Variants in C2CD3 observed in about 807,000 individuals in gnomAD.
C2CD3 encodes the protein C2 domain containing 3 centriole elongation regulator, also known as C2 domain-containing protein 3.
A neutral mutation model predicts 234.0 loss-of-function variants in C2CD3; 148 were observed. The ratio of observed to expected loss-of-function variants is 0.63; its 90% CI spans 0.55 to 0.72. The LOEUF is 0.72. Ranked by LOEUF, C2CD3 falls within the 30% of genes least tolerant of loss-of-function variation. C2CD3 has a pLI of 0.00. For missense variants in C2CD3, 2,577 were observed against 2,811.5 expected, an observed-to-expected ratio of 0.92 and a Z score of 1.89; for synonymous variants, 1,000 against 1,035.4, an observed-to-expected ratio of 0.97 and a Z score of 0.66.
At chr11:74,108,765 TAATA>T (rs994050010) in intron 12 of C2CD3, among the ~76,000 whole-genome samples, 1 of 152,070 alleles carries the variant, frequency 6.6e-6, no homozygotes, top group Non-Finnish European at 1.5e-5. Context: ...AAAACAAATA[TAATA>T]ATGTACCTAA....
intron 21 of C2CD3, 179 bp downstream of exon 21, chr11:74,085,439 A>G: frequency 3.3e-6 from 2 of 613,732 alleles, no homozygotes; most frequent in East Asian, 2.8e-5. Context: ...TCTCTACACT[A>G]TCTTTCTCTT....
intron 30 of C2CD3, among the ~76,000 whole-genome samples, 153 bp downstream of exon 30, chr11:74,037,325 C>T (rs368103899): frequency 2.0e-5 from 3 of 148,094 alleles, no homozygotes; most frequent in Non-Finnish European, 4.5e-5. Context: ...CCTTTTCAAA[C>T]GCAAGATGGT....
chr11:74,107,322 T>TCACACACACA lies in C2CD3; in HGVS notation c.1963-839_1963-830dup, dbSNP rs142285119. 1.8e-3 allele frequency among the ~76,000 whole-genome samples: 258 copies of TCACACACACA among 146,612 alleles called. 5 individuals carry two copies. The East Asian group carries it at 0.025, about 14-fold the overall frequency. ...CCTGGGCAACAAGAATGAAACTGTG[T>TCACACACACA]CACACACACACACACACACACACAC... On this transcript the variant is annotated intron_variant, in intron 12 of 32. Coordinates refer to ENST00000334126, the MANE Select transcript of C2CD3 (RefSeq NM_001286577.2).
At chr11:74,139,044 G>C in intron 4 of C2CD3, 77 bp from the exon 5 acceptor site, 1 of 1,289,556 alleles carries the variant, frequency 7.8e-7, no homozygotes, top group African/African-American at 1.5e-5. Flanking sequence ...GAGACAGAAA[G>C]TAGACCAGTG....
In C2CD3 at chr11:74,118,233, T is replaced by A. The variant is rs1957093680; in HGVS notation, c.1515A>T (p.Arg505Ser). Residue 505 changes from arginine to serine, a missense_variant, in exon 9 of 33, where the codon AGA becomes AGT. Transcript: ENST00000334126. ...HKLKKRSAGKRNRNLVEQQML... is the reference protein window; with the variant it reads ...HKLKKRSAGKSNRNLVEQQML... Reference sequence around the variant, plus strand: ...AAACAGTCAGAGCAGCTCACCTATTTCTCTTGCCTGCTGACCTCTTCTTCA... The same window carrying A: ...AAACAGTCAGAGCAGCTCACCTATTACTCTTGCCTGCTGACCTCTTCTTCA... 1 of 1,612,554 alleles carries A rather than the reference T, an allele frequency of 6.2e-7. No individual in the cohort carries two copies.
Position 74,170,911 on chromosome 11 carries a change from T to G in C2CD3, c.-119A>C, listed in dbSNP as rs1591000428. ...CGGCAACCGGCGCCGCTGGGCAGCC[T>G]GGGAGGCAGGAAAAAGCGACTCTTC... On this transcript the variant is annotated 5_prime_UTR_variant, in exon 1 of 33. Coordinates refer to ENST00000334126, the MANE Select transcript of C2CD3 (RefSeq NM_001286577.2). 3.0e-5 allele frequency: 43 copies of G among 1,456,616 alleles called. No individual in the cohort carries two copies. In the East Asian group the frequency reaches 3.0e-4, roughly 10 times the overall value. 90.2% of individuals were successfully genotyped at this position (1,456,616 alleles called of 1,614,324 possible).
chr11:74,053,079 T>C (rs567830183), intron 26 of C2CD3, among the ~76,000 whole-genome samples: 1 of 152,346 alleles, frequency 6.6e-6, no homozygotes, highest in Non-Finnish European at 1.5e-5. Context: ...CTTACTAGCA[T>C]GGTGAAGAAC....
At chr11:74,030,005 C>T (rs188256753) in intron 31 of C2CD3, among the ~76,000 whole-genome samples, 3 of 152,328 alleles carry the variant, frequency 2.0e-5, no homozygotes, top group African/African-American at 7.2e-5. Flanking sequence ...ATCCTCCCAC[C>T]TTGGCCTCCC....
rs571813704 is a variant in C2CD3, at chr11:74,018,929, A to T, written c.6922-5404T>A. Among the ~76,000 whole-genome samples the T allele has an allele frequency of 7.1e-4, 108 of 151,772 alleles. 1 individual carries two copies. The highest frequency in any genetic ancestry group is 2.5e-3 in the African/African-American group (103 of 41,360). ...TCCGTGCCACACCCCACCTGATGCC[A>T]CCCTCTCCTTACTCCAAGAAGCCTT... On this transcript the variant is annotated intron_variant, in intron 32 of 32. Coordinates refer to ENST00000334126, the MANE Select transcript of C2CD3 (RefSeq NM_001286577.2).
intron 20 of C2CD3, among the ~76,000 whole-genome samples, chr11:74,087,137 G>A (rs1329981853): frequency 2.0e-5 from 3 of 151,860 alleles, no homozygotes; most frequent in African/African-American, 7.3e-5. Context: ...TTTCATTATC[G>A]TTAATGATCA....
intron 2 of C2CD3, among the ~76,000 whole-genome samples, chr11:74,163,644 T>C (rs947105999): frequency 5.9e-5 from 9 of 152,118 alleles, no homozygotes; most frequent in African/African-American, 2.2e-4. Context: ...TTGCTTCCCC[T>C]TCTGCCATGA....
chr11:74,077,615 ACT>A (rs1471752796), intron 23 of C2CD3, among the ~76,000 whole-genome samples: 1 of 150,554 alleles, frequency 6.6e-6, no homozygotes, highest in Non-Finnish European at 1.5e-5. Context: ...AACATCATAC[ACT>A]GGGGCCTGTT....
chr11:74,100,661 G>A lies in C2CD3; in HGVS notation c.2596C>T (p.Leu866=). ...AGCCTTTCCAGGTATTTGGAAGACAGAGAGACAGGAATCACCTAAGAGAGA... is the reference window on the plus strand; with the variant it reads ...AGCCTTTCCAGGTATTTGGAAGACAAAGAGACAGGAATCACCTAAGAGAGA... ...FNFSQVIPVS[L]SSKYLERLKN... is the part of the protein sequence containing the mutation. The change falls in exon 15 of 33, where the codon CTG becomes TTG. Residue 866 remains leucine (L), a synonymous_variant. Transcript: ENST00000334126. The A allele has an allele frequency of 6.2e-7, 1 of 1,612,466 alleles. No individual in the cohort carries two copies. Among genetic ancestry groups the A allele is most frequent in the Non-Finnish European group, 8.5e-7 (1 of 1,179,510 alleles).
At chr11:74,117,009 TAC>T (rs1207886189) in intron 9 of C2CD3, among the ~76,000 whole-genome samples, 1 of 124,322 alleles carries the variant, frequency 8.0e-6, no homozygotes, top group South Asian at 2.4e-4. Context: ...TATGTATATA[TAC>T]ACATATATAC....
intron 18 of C2CD3, among the ~76,000 whole-genome samples, chr11:74,093,157 G>A (rs1489304804): frequency 6.6e-6 from 1 of 151,404 alleles, no homozygotes; most frequent in African/African-American, 2.4e-5. Flanking sequence ...TCCTGATGCT[G>A]TTTCCTTTCC....
At chr11:74,110,046 A>T (rs1590828476) in intron 11 of C2CD3, among the ~76,000 whole-genome samples, 1 of 151,810 alleles carries the variant, frequency 6.6e-6, no homozygotes, top group South Asian at 2.1e-4. Flanking sequence ...ACACCACTGC[A>T]CTCCAGCCTA....
intron 32 of C2CD3, among the ~76,000 whole-genome samples, chr11:74,020,539 G>A (rs1726765): frequency 1.6e-4 from 24 of 152,250 alleles, no homozygotes; most frequent in African/African-American, 5.8e-4. Context: ...AGTCCAGTGC[G>A]TTTCCAAGAA....
chr11:74,018,362 G>A (rs1951952838), intron 32 of C2CD3, among the ~76,000 whole-genome samples: 1 of 152,170 alleles, frequency 6.6e-6, no homozygotes, highest in Admixed American at 6.5e-5. Flanking sequence ...GAGGTAAGCA[G>A]TGCTAGACCA....
intron 31 of C2CD3, among the ~76,000 whole-genome samples, chr11:74,032,296 T>C (rs1952550541): frequency 6.6e-6 from 1 of 152,148 alleles, no homozygotes; most frequent in Non-Finnish European, 1.5e-5. Context: ...GAGGAAGATC[T>C]CTAGTCTAGT....
Sources: gnomAD v4.1 joint callset for allele counts (sites outside exome capture counted in the v4.1 genomes callset) on GRCh38, gnomAD v4.1.1 for gene constraint, MANE v1.5 for transcripts, NCBI Gene and HGNC (gene_info 2026-07-23, HGNC 2026-07-21) for gene names.